The following ADGRL2 variants were observed in gnomAD, a reference collection of about 807,000 sequenced individuals.
ADGRL2 encodes adhesion G protein-coupled receptor L2.
A neutral mutation model predicts 157.4 loss-of-function variants in ADGRL2; 44 were observed. The observed-to-expected ratio is 0.28, with a 90% confidence interval of 0.22 to 0.36. The LOEUF (loss-of-function observed/expected upper bound fraction) is 0.36. Ranked by LOEUF, ADGRL2 falls within the 10% of genes least tolerant of loss-of-function variation. ADGRL2 has a pLI of 1.00. For missense variants in ADGRL2, 1,510 were observed against 1,768.9 expected (o/e 0.85, Z 2.63); for synonymous variants, 585 against 624.7 (o/e 0.94, Z 0.95).
intron 3 of ADGRL2, among the ~76,000 whole-genome samples, chr1:81,681,297 G>A (rs1485006277): frequency 1.3e-5 from 2 of 152,236 alleles, no homozygotes; most frequent in Non-Finnish European, 2.9e-5. Flanking sequence ...CCAGTAAGCA[G>A]CATGTGGATA....
chr1:81,374,088 C>CAT (rs2076205524), intron 1 of ADGRL2, among the ~76,000 whole-genome samples: 1 of 151,986 alleles, frequency 6.6e-6, no homozygotes, highest in Non-Finnish European at 1.5e-5. Context: ...CACACACACA[C>CAT]ACACAAACAC....
intron 1 of ADGRL2, among the ~76,000 whole-genome samples, chr1:81,703,072 T>C (rs11578678): frequency 0.27 from 41,330 of 151,966 alleles, 6,097 homozygotes; most frequent in South Asian, 0.35. Context: ...GTGAGAACCA[T>C]AGAAGGAATG....
At chr1:81,356,971 A>AAAAAAGAAG (rs80327519) in intron 1 of ADGRL2, among the ~76,000 whole-genome samples, 10 of 99,394 alleles carry the variant, frequency 1.0e-4, no homozygotes, top group South Asian at 4.7e-4. Context: ...AAAAAAAAAA[A>AAAAAAGAAG]AAGAAGTTGT....
intron 1 of ADGRL2, among the ~76,000 whole-genome samples, chr1:81,758,387 A>G (rs2085761646): frequency 6.6e-6 from 1 of 152,114 alleles, no homozygotes; most frequent in South Asian, 2.1e-4. Flanking sequence ...ACTCCCTGGC[A>G]TCTCCTGAGG....
At chr1:81,647,155 G>A (rs1462762219) in intron 3 of ADGRL2, among the ~76,000 whole-genome samples, 1 of 152,106 alleles carries the variant, frequency 6.6e-6, no homozygotes, top group Non-Finnish European at 1.5e-5. Context: ...CTAAAATCTA[G>A]GTTCTTTTCA....
At chr1:81,619,144 T>G (rs2081732145) in intron 3 of ADGRL2, among the ~76,000 whole-genome samples, 1 of 152,156 alleles carries the variant, frequency 6.6e-6, no homozygotes, top group South Asian at 2.1e-4. Flanking sequence ...ATCCTTAGAA[T>G]AAAATTAATT....
At chr1:81,756,126 A>G (rs2085681408) in intron 1 of ADGRL2, among the ~76,000 whole-genome samples, 1 of 152,166 alleles carries the variant, frequency 6.6e-6, no homozygotes, top group Non-Finnish European at 1.5e-5. Flanking sequence ...ATCCAAAGCA[A>G]TCCCTTTGCT....
chr1:81,410,111 T>C (rs2076922617), intron 1 of ADGRL2, among the ~76,000 whole-genome samples: 1 of 152,216 alleles, frequency 6.6e-6, no homozygotes, highest in Non-Finnish European at 1.5e-5. Context: ...GCCCAAACCC[T>C]TTCTATTATT....
intron 1 of ADGRL2, among the ~76,000 whole-genome samples, chr1:81,395,381 A>G (rs1392633766): frequency 6.6e-6 from 1 of 152,036 alleles, no homozygotes; most frequent in Non-Finnish European, 1.5e-5. Flanking sequence ...AAATGAGATT[A>G]TTTGGGGGTT....
intron 1 of ADGRL2, among the ~76,000 whole-genome samples, chr1:81,706,751 G>T (rs1363171031): frequency 2.6e-5 from 4 of 152,140 alleles, no homozygotes; most frequent in African/African-American, 9.7e-5. Context: ...AGGGTGGAGA[G>T]TTTCTGGAAG....
chr1:81,326,687 G>A (rs1660922474), intron 1 of ADGRL2, among the ~76,000 whole-genome samples: 2 of 152,278 alleles, frequency 1.3e-5, no homozygotes, highest in South Asian at 4.1e-4. Context: ...ACAACAAGAA[G>A]TGACTCAGGG....
chr1:81,869,705 T>TA (rs67231016), intron 2 of ADGRL2, among the ~76,000 whole-genome samples: 16 of 150,184 alleles, frequency 1.1e-4, no homozygotes, highest in South Asian at 1.0e-3. Context: ...TAAATGTATG[T>TA]AAAAAAAAAA....
chr1:81,801,424 T>A (rs752634725), intron 1 of ADGRL2, among the ~76,000 whole-genome samples: 5 of 152,134 alleles, frequency 3.3e-5, no homozygotes, highest in Non-Finnish European at 7.4e-5. Flanking sequence ...TCTCTCTCTC[T>A]CCCTCTCGCT....
chr1:81,728,310 T>A (rs1354180456), intron 1 of ADGRL2, among the ~76,000 whole-genome samples: 3 of 152,200 alleles, frequency 2.0e-5, no homozygotes, highest in Non-Finnish European at 4.4e-5. Context: ...TCCAGCAGGA[T>A]TATGTGTTTG....
At chr1:81,729,767 C>T (rs558901907) in intron 1 of ADGRL2, among the ~76,000 whole-genome samples, 9 of 152,274 alleles carry the variant, frequency 5.9e-5, no homozygotes, top group Admixed American at 2.0e-4. Context: ...TTAAGTTACA[C>T]GTATGAACAA....
intron 3 of ADGRL2, among the ~76,000 whole-genome samples, chr1:81,924,006 C>G (rs149107534): frequency 0.017 from 2,532 of 152,286 alleles, 45 homozygotes; most frequent in South Asian, 0.062. Context: ...ATGTGATTAA[C>G]TTCCAAATTA....
chr1:81,502,002 C>A, intron 2 of ADGRL2: 2 of 1,606,996 alleles, frequency 1.2e-6, no homozygotes, highest in South Asian at 1.1e-5. Flanking sequence ...AGAGTTCCAC[C>A]CACCGCAGCA....
In ADGRL2 at chr1:81,836,964, A is replaced by T; in HGVS notation, c.-21A>T. The stretch of plus-strand genomic sequence containing the variant: ...CTAGATTCATTAAGGAATACAAAGA[A>T]AATACTTAAAGGGATCAATAATGGT... On this transcript the variant is annotated 5_prime_UTR_variant, in exon 2 of 24. Transcript: ENST00000686636. The T allele has an allele frequency of 6.7e-7, 1 of 1,501,460 alleles. No homozygotes were observed. Among genetic ancestry groups the T allele is most frequent in the Non-Finnish European group, 9.1e-7 (1 of 1,104,720 alleles). The allele number at this position is 1,501,460 out of a possible 1,614,324, so 93.0% of individuals were successfully genotyped here. A position where few individuals can be genotyped will look rare whatever the true frequency, so the allele number is the denominator to read the frequency against.
chr1:81,780,221 T>G (rs2086757386), intron 2 of ADGRL2, among the ~76,000 whole-genome samples: 1 of 152,164 alleles, frequency 6.6e-6, no homozygotes, highest in South Asian at 2.1e-4. Context: ...GAATTATAAT[T>G]AAAATAAATT....
Sources: allele counts gnomAD v4.1 joint callset (sites outside exome capture counted in the v4.1 genomes callset), GRCh38; gene constraint gnomAD v4.1.1; transcripts MANE v1.5; gene names NCBI Gene and HGNC (gene_info 2026-07-23, HGNC 2026-07-21).